The following HDGFL3 variants were observed in gnomAD, a reference collection of about 807,000 sequenced individuals.
The protein encoded by HDGFL3 is HDGF like 3, also known as hepatoma-derived growth factor-related protein 3.
In HDGFL3, 6 loss-of-function variants were observed where a neutral mutation model predicts 27.6. That is an observed-to-expected ratio of 0.22 (90% CI 0.12 to 0.43). HDGFL3 has a LOEUF of 0.43. Among genes scored for constraint, HDGFL3 ranks in the 20% least tolerant of loss-of-function variants. The probability of loss-of-function intolerance (pLI) is 1.00; values close to 1 mark genes in which losing one functional copy is unlikely to be tolerated. For missense variants in HDGFL3, 207 were observed against 250.1 expected, an observed-to-expected ratio of 0.83 and a Z score of 1.16; for synonymous variants, 88 against 88.9, an observed-to-expected ratio of 0.99 and a Z score of 0.05.
intron 5 of HDGFL3, among the ~76,000 whole-genome samples, chr15:83,149,630 TA>T (rs1434421879): frequency 2.0e-5 from 3 of 152,144 alleles, no homozygotes; most frequent in Admixed American, 1.3e-4. Context: ...TAGGAACCTT[TA>T]CAAGAGCAAT....
downstream of HDGFL3, among the ~76,000 whole-genome samples, chr15:83,126,013 A>G (rs989926055): frequency 2.0e-5 from 3 of 152,234 alleles, no homozygotes; most frequent in African/African-American, 7.2e-5. Context: ...ACAACAAAAA[A>G]TAGTGGGCCC....
At position 83,189,754 on chromosome 15, in the gene HDGFL3, A is replaced by AT. The variant is rs569814675; in HGVS notation, c.84+17576dup. On this transcript the variant is annotated intron_variant, in intron 1 of 5. Transcript: ENST00000299633. ...TCTGGCATACAGTGGGAATTCAATC[A>AT]TTTTTTTTAAAATAATGGGTAAATA... Among the ~76,000 whole-genome samples the AT allele has an allele frequency of 8.5e-5, 13 of 152,180 alleles. No homozygotes were observed. In the South Asian group the frequency reaches 1.0e-3, roughly 12 times the overall value.
At chr15:83,169,001 T>TA (rs1461263544) in intron 1 of HDGFL3, among the ~76,000 whole-genome samples, 4 of 152,024 alleles carry the variant, frequency 2.6e-5, no homozygotes, top group African/African-American at 9.7e-5. Context: ...ATTCACCACA[T>TA]AAACAGAATT....
Position 83,182,639 on chromosome 15 carries a change from T to C in HDGFL3, c.85-18564A>G, listed in dbSNP as rs552924903. On this transcript the variant is annotated intron_variant, in intron 1 of 5. Transcript: ENST00000299633. ...AAAAAAATCTGAGTATGATTACCTC[T>C]GGAGATTGGGAAGGGTATTAGAGAA... Among the ~76,000 whole-genome samples, 10 of 152,310 alleles carry C rather than the reference T, an allele frequency of 6.6e-5. No individual in the cohort carries two copies. The East Asian group carries it at 1.7e-3, about 26-fold the overall frequency.
chr15:83,154,377 G>T (rs1439007521), intron 4 of HDGFL3, among the ~76,000 whole-genome samples: 25 of 151,044 alleles, frequency 1.7e-4, no homozygotes, highest in African/African-American at 5.8e-4. Context: ...CACCATATTT[G>T]TTTTTTAAAA....
At chr15:83,200,070 G>A (rs2037623053) in intron 1 of HDGFL3, among the ~76,000 whole-genome samples, 1 of 147,848 alleles carries the variant, frequency 6.8e-6, no homozygotes. Flanking sequence ...AAGGCCAGGT[G>A]TGGTGGCTTA....
chr15:83,133,713 TGA>T lies in HDGFL3; in HGVS notation c.*5555_*5556del, dbSNP rs1220286297. 1.3e-5 allele frequency: 2 copies of T among 152,236 alleles called. No individual in the cohort carries two copies. Among genetic ancestry groups the T allele is most frequent in the African/African-American group, 4.8e-5 (2 of 41,466 alleles). The allele number at this position is 152,236 out of a possible 1,614,324, so 9.4% of individuals were successfully genotyped here. On this transcript the variant is annotated 3_prime_UTR_variant, in exon 6 of 6. Coordinates refer to ENST00000299633, the MANE Select transcript of HDGFL3 (RefSeq NM_016073.4). ...AGGCTGAGCTCTTCAGGTCCTGCCA[TGA>T]GAGGCCTTGTGCTGCTGGGAACATC...
At chr15:83,198,054 C>CAAAAAAAAAA (rs766372255) in intron 1 of HDGFL3, among the ~76,000 whole-genome samples, 10,080 of 57,334 alleles carry the variant, frequency 0.18, 1,803 homozygotes, top group East Asian at 0.31. Context: ...GACTCCGTCT[C>CAAAAAAAAAA]AAAAAAAAAA....
rs1007755029 is a variant in HDGFL3, at chr15:83,128,768, G to A, written c.*10502C>T. ...AGTCCAATTGCATCCAGCAACTCAA[G>A]CCAGAAACTTGGAGTAATTATTTAC... On this transcript the variant is annotated 3_prime_UTR_variant, in exon 6 of 6. Transcript: ENST00000299633. The A allele has an allele frequency of 1.3e-5, 2 of 151,962 alleles. No homozygotes were observed. Among genetic ancestry groups the A allele is most frequent in the African/African-American group, 4.8e-5 (2 of 41,344 alleles). The allele number at this position is 151,962 out of a possible 1,614,324, so 9.4% of individuals were successfully genotyped here. A position where few individuals can be genotyped will look rare whatever the true frequency, so the allele number is the denominator to read the frequency against.
At chr15:83,175,556 G>A (rs1362616840) in intron 1 of HDGFL3, among the ~76,000 whole-genome samples, 2 of 152,070 alleles carry the variant, frequency 1.3e-5, no homozygotes, top group Non-Finnish European at 2.9e-5. Context: ...CTTTTGTTCT[G>A]ATGCAACAAA....
At position 83,136,518 on chromosome 15, in the gene HDGFL3, G is replaced by C; in HGVS notation, c.*2752C>G. The C allele has an allele frequency of 6.2e-7, 1 of 1,604,628 alleles. No individual in the cohort carries two copies. The highest frequency in any genetic ancestry group is 8.5e-7 in the Non-Finnish European group (1 of 1,177,694). On this transcript the variant is annotated 3_prime_UTR_variant, in exon 6 of 6. Transcript: ENST00000299633. ...CACATTGGTGCATCTCTTCATGCTA[G>C]AACTGCTTATGTCTACAGAGTCCCT...
chr15:83,136,503 C>T lies in HDGFL3; in HGVS notation c.*2767G>A, dbSNP rs769004383. The T allele has an allele frequency of 1.9e-6, 3 of 1,584,928 alleles. No homozygotes were observed. In the South Asian group the frequency reaches 3.5e-5, roughly 19 times the overall value. ...CAGGCTCAGTTTTCTCACATTGGTGCATCTCTTCATGCTAGAACTGCTTAT... is the reference window on the plus strand; with the variant it reads ...CAGGCTCAGTTTTCTCACATTGGTGTATCTCTTCATGCTAGAACTGCTTAT... On this transcript the variant is annotated 3_prime_UTR_variant, in exon 6 of 6. Transcript: ENST00000299633.
intron 1 of HDGFL3, among the ~76,000 whole-genome samples, chr15:83,171,595 T>C (rs1237978196): frequency 2.6e-5 from 4 of 152,194 alleles, no homozygotes; most frequent in Middle Eastern, 3.2e-3. Flanking sequence ...TGCAGCAACA[T>C]GGATGCAGCT....
At chr15:83,164,198 C>G (rs2037135006) in intron 1 of HDGFL3, 123 bp from the exon 2 acceptor site, 3 of 659,954 alleles carry the variant, frequency 4.5e-6, no homozygotes, top group Non-Finnish European at 7.4e-6. Flanking sequence ...TTTTTTAGAA[C>G]TTTACAAAAT....
chr15:83,204,228 TATATC>T (rs1039338321), intron 1 of HDGFL3, among the ~76,000 whole-genome samples: 5 of 151,776 alleles, frequency 3.3e-5, no homozygotes, highest in African/African-American at 7.3e-5. Context: ...ATATCAGACA[TATATC>T]ATATAGAGAG....
At chr15:83,167,751 G>T (rs1392116408) in intron 1 of HDGFL3, among the ~76,000 whole-genome samples, 2 of 152,120 alleles carry the variant, frequency 1.3e-5, no homozygotes, top group East Asian at 3.9e-4. Context: ...CCCACTGACA[G>T]CATGACAGCA....
chr15:83,136,576 C>T lies in HDGFL3; in HGVS notation c.*2694G>A. The T allele has an allele frequency of 6.2e-7, 1 of 1,613,722 alleles. No homozygotes were observed. Among genetic ancestry groups the T allele is most frequent in the Non-Finnish European group, 8.5e-7 (1 of 1,179,832 alleles). On this transcript the variant is annotated 3_prime_UTR_variant, in exon 6 of 6. Transcript: ENST00000299633. ...CAAAAATCCTTTTTTTAGCATTAAA[C>T]ATAGCATATGGAGTTCTTCCTCAGC... is the stretch of plus-strand genomic sequence containing the variant.
intron 2 of HDGFL3, among the ~76,000 whole-genome samples, 200 bp from the exon 3 acceptor site, chr15:83,158,241 A>T (rs1451270808): frequency 6.6e-6 from 1 of 152,258 alleles, no homozygotes; most frequent in Non-Finnish European, 1.5e-5. Flanking sequence ...CTGAGCATAC[A>T]AGCCAGCCAC....
chr15:83,190,476 G>C (rs1359116942), intron 1 of HDGFL3, among the ~76,000 whole-genome samples: 1 of 152,094 alleles, frequency 6.6e-6, no homozygotes. Flanking sequence ...ATATGATACT[G>C]GCAAACCTTT....
Sources: allele counts gnomAD v4.1 joint callset (sites outside exome capture counted in the v4.1 genomes callset), GRCh38; gene constraint gnomAD v4.1.1; transcripts MANE v1.5; gene names NCBI Gene and HGNC (gene_info 2026-07-23, HGNC 2026-07-21).